The following CALN1 variants were observed in gnomAD, a reference collection of about 807,000 sequenced individuals.
The protein encoded by CALN1 is calneuron 1, also known as calcium-binding protein 8.
In CALN1, 17 loss-of-function variants were observed where a neutral mutation model predicts 30.6. That is an observed-to-expected ratio of 0.56 (90% CI 0.38 to 0.83). CALN1 has a LOEUF of 0.83. Ranked by LOEUF, CALN1 falls within the 40% of genes least tolerant of loss-of-function variation. The probability of loss-of-function intolerance (pLI) is 0.00; values close to 1 mark genes in which losing one functional copy is unlikely to be tolerated. For missense variants in CALN1, 291 were observed against 354.9 expected (o/e 0.82, Z 1.45); for synonymous variants, 156 against 131.4 (o/e 1.19, Z -1.28).
At chr7:72,345,037 ATATAT>A (rs1802564711) in intron 2 of CALN1, among the ~76,000 whole-genome samples, 1 of 148,032 alleles carries the variant, frequency 6.8e-6, no homozygotes, top group African/African-American at 2.5e-5. Flanking sequence ...GGCACATGTT[ATATAT>A]TATATCGTAT....
intron 3 of CALN1, among the ~76,000 whole-genome samples, chr7:72,164,859 G>A (rs966151544): frequency 6.6e-6 from 1 of 151,902 alleles, no homozygotes; most frequent in Non-Finnish European, 1.5e-5. Flanking sequence ...ATTTTTTAGG[G>A]TTTTTGTTTG....
In CALN1 at chr7:71,797,592, G is replaced by A. The variant is rs1196994521; in HGVS notation, c.659-9690C>T. ...AGAGGAAGATAAGTCATGCTGACTT[G>A]TGGGGCTGGGAGCTGGTCCCTTCTC... is the stretch of plus-strand genomic sequence containing the variant. On this transcript the variant is annotated intron_variant, in intron 6 of 6. Coordinates refer to ENST00000395275, the MANE Select transcript of CALN1 (RefSeq NM_031468.4). Among the ~76,000 whole-genome samples the A allele has an allele frequency of 3.9e-5, 6 of 152,098 alleles. No individual in the cohort carries two copies. The East Asian group carries it at 9.7e-4, about 25-fold the overall frequency.
chr7:71,856,999 T>C (rs955168591), intron 5 of CALN1, among the ~76,000 whole-genome samples: 3 of 143,634 alleles, frequency 2.1e-5, no homozygotes, highest in Non-Finnish European at 3.0e-5. Context: ...GTAGACAACC[T>C]CATGGTGTGT....
intron 3 of CALN1, among the ~76,000 whole-genome samples, chr7:72,154,361 GC>G: frequency 6.6e-6 from 1 of 152,136 alleles, no homozygotes; most frequent in African/African-American, 2.4e-5. Flanking sequence ...CTGACGACTG[GC>G]CCAGAAGAAT....
chr7:72,264,251 TTC>T (rs1374536589), intron 3 of CALN1, among the ~76,000 whole-genome samples: 2 of 152,160 alleles, frequency 1.3e-5, no homozygotes, highest in African/African-American at 4.8e-5. Flanking sequence ...TTTTTTTGTT[TTC>T]TGTTTCTGCT....
At chr7:72,502,349 G>A in the CALN1 span, among the ~76,000 whole-genome samples, 8 of 149,588 alleles carry the variant, frequency 5.3e-5, no homozygotes, top group Non-Finnish European at 1.2e-4. Flanking sequence ...TGAGCACTTT[G>A]ACCTGTCTTT....
At chr7:71,857,535 C>T (rs929211415) in intron 5 of CALN1, among the ~76,000 whole-genome samples, 6 of 152,096 alleles carry the variant, frequency 3.9e-5, no homozygotes, top group Non-Finnish European at 5.9e-5. Flanking sequence ...GATTTACCCA[C>T]ATCCATCCTT....
At chr7:72,211,908 C>T (rs549849657) in intron 3 of CALN1, among the ~76,000 whole-genome samples, 2 of 152,212 alleles carry the variant, frequency 1.3e-5, no homozygotes, top group African/African-American at 4.8e-5. Context: ...GCTCTTGGCA[C>T]GTTTTCTGGC....
At chr7:72,189,965 TTTTTACTGTCCAGGAAGATGTTA>T in intron 3 of CALN1, among the ~76,000 whole-genome samples, 1 of 152,214 alleles carries the variant, frequency 6.6e-6, no homozygotes, top group Non-Finnish European at 1.5e-5. Flanking sequence ...GTATCAGCGT[TTTTTACTGTCCAGGAAGATGTTA>T]GCATGTACCA....
intron 2 of CALN1, among the ~76,000 whole-genome samples, chr7:72,362,283 C>T (rs1040242650): frequency 1.3e-5 from 2 of 152,142 alleles, no homozygotes; most frequent in Admixed American, 1.3e-4. Context: ...AGTGATACGC[C>T]CACATGGCCA....
At chr7:72,437,525 A>AGTGTGT (rs9297115) in intron 1 of CALN1, among the ~76,000 whole-genome samples, 45,805 of 150,592 alleles carry the variant, frequency 0.3, 7,200 homozygotes, top group Middle Eastern at 0.38. Flanking sequence ...AGTTGTGTGG[A>AGTGTGT]GTGTGTGTGT....
intron 2 of CALN1, among the ~76,000 whole-genome samples, chr7:72,334,535 T>C (rs1490609374): frequency 1.3e-5 from 2 of 150,314 alleles, no homozygotes. Context: ...CCCCCTCCCC[T>C]TACAGAGGAA....
At chr7:72,316,465 G>A (rs1374260905) in intron 2 of CALN1, among the ~76,000 whole-genome samples, 1 of 151,994 alleles carries the variant, frequency 6.6e-6, no homozygotes, top group Admixed American at 6.6e-5. Flanking sequence ...ATAATAAAGA[G>A]GGGAATACAG....
At chr7:72,480,886 C>T in the CALN1 span, among the ~76,000 whole-genome samples, 2 of 152,136 alleles carry the variant, frequency 1.3e-5, no homozygotes, top group South Asian at 2.1e-4. Context: ...GATGTCACCT[C>T]TCTCATTCCT....
chr7:72,102,497 G>A (rs910619196), intron 4 of CALN1, among the ~76,000 whole-genome samples: 2 of 152,056 alleles, frequency 1.3e-5, no homozygotes, highest in African/African-American at 4.8e-5. Flanking sequence ...GAGGTTGTAT[G>A]CAGAAACTCA....
chr7:72,409,118 C>T (rs111905774), intron 1 of CALN1, among the ~76,000 whole-genome samples: 3,521 of 152,036 alleles, frequency 0.023, 124 homozygotes, highest in African/African-American at 0.08. Flanking sequence ...GACTCAGCCT[C>T]CCCAGTAGCT....
intron 3 of CALN1, among the ~76,000 whole-genome samples, chr7:72,277,108 C>T (rs1000950899): frequency 7.6e-5 from 11 of 144,062 alleles, no homozygotes; most frequent in African/African-American, 2.4e-4. Context: ...CAGACCAAGA[C>T]GCCACCCAAG....
At chr7:71,796,378 G>A (rs75558834) in intron 6 of CALN1, among the ~76,000 whole-genome samples, 15 of 42,482 alleles carry the variant, frequency 3.5e-4, no homozygotes, top group African/African-American at 1.4e-3. Context: ...TTTTTTTTTT[G>A]AGACGGAGTC....
intron 5 of CALN1, among the ~76,000 whole-genome samples, chr7:71,912,178 T>G (rs998760757): frequency 5.3e-5 from 8 of 152,016 alleles, no homozygotes; most frequent in Non-Finnish European, 7.4e-5. Context: ...GAGAAAGGCT[T>G]AAGTGGCCGG....
Sources: gnomAD v4.1 joint callset for allele counts (sites outside exome capture counted in the v4.1 genomes callset) on GRCh38, gnomAD v4.1.1 for gene constraint, MANE v1.5 for transcripts, NCBI Gene and HGNC (gene_info 2026-07-23, HGNC 2026-07-21) for gene names.